MRAP2: variants seen among roughly 807,000 people sequenced by gnomAD.
MRAP2 encodes the protein melanocortin 2 receptor accessory protein 2, also known as melanocortin-2 receptor accessory protein 2.
In MRAP2, 20 loss-of-function variants were observed where a neutral mutation model predicts 17.4. The ratio of observed to expected loss-of-function variants is 1.15; its 90% CI spans 0.81 to 1.67. The LOEUF (loss-of-function observed/expected upper bound fraction) is 1.67, where lower values mean the gene tolerates loss of function less well. MRAP2 is among the 40% of genes most tolerant of loss of function. The pLI, the probability that MRAP2 is intolerant of heterozygous loss-of-function variation, is 0.00. For missense variants in MRAP2, 238 were observed against 240.0 expected (o/e 0.99, Z 0.05); for synonymous variants, 96 against 88.4 (o/e 1.09, Z -0.48).
chr6:84,038,402 G>T (rs1266169227), intron 1 of MRAP2, among the ~76,000 whole-genome samples: 1 of 152,136 alleles, frequency 6.6e-6, no homozygotes, highest in Non-Finnish European at 1.5e-5. Flanking sequence ...GCAGAAATAG[G>T]GCAGATTTGT....
At chr6:84,052,869 T>C (rs1279454244) in intron 1 of MRAP2, 12 of 816,240 alleles carry the variant, frequency 1.5e-5, no homozygotes, top group Admixed American at 6.2e-5. Context: ...TTTGCACATG[T>C]AGCTTTCATT....
chr6:84,097,269 G>A, the MRAP2 span, among the ~76,000 whole-genome samples: 5 of 152,104 alleles, frequency 3.3e-5, no homozygotes, highest in Non-Finnish European at 7.4e-5. Flanking sequence ...ATTACATCTG[G>A]GATGAGCCCT....
chr6:84,060,896 T>C (rs2099492997), intron 2 of MRAP2, among the ~76,000 whole-genome samples: 1 of 149,536 alleles, frequency 6.7e-6, no homozygotes, highest in Non-Finnish European at 1.5e-5. Context: ...AGACGGGGTT[T>C]CACTGTCTTA....
the MRAP2 span, among the ~76,000 whole-genome samples, chr6:84,133,775 T>G: frequency 6.6e-6 from 1 of 152,140 alleles, no homozygotes; most frequent in East Asian, 1.9e-4. Context: ...CAGCTTCCCT[T>G]GGCTAGGAAA....
chr6:84,141,675 C>T, the MRAP2 span, among the ~76,000 whole-genome samples: 6 of 152,264 alleles, frequency 3.9e-5, 1 homozygote, highest in Middle Eastern at 6.8e-3. Context: ...TATCCAGGGC[C>T]GGGGTGTATA....
chr6:84,102,531 G>C, the MRAP2 span, among the ~76,000 whole-genome samples: 1 of 152,174 alleles, frequency 6.6e-6, no homozygotes, highest in Non-Finnish European at 1.5e-5. Flanking sequence ...TTCTTTTCTA[G>C]AGCATCCAGA....
intron 1 of MRAP2, among the ~76,000 whole-genome samples, chr6:84,036,672 A>G (rs2099486096): frequency 6.6e-6 from 1 of 152,080 alleles, no homozygotes; most frequent in Non-Finnish European, 1.5e-5. Context: ...AGGGGACCTG[A>G]GCGCCTTACC....
At chr6:84,070,161 CT>C (rs1290231137) in intron 3 of MRAP2, among the ~76,000 whole-genome samples, 1 of 151,932 alleles carries the variant, frequency 6.6e-6, no homozygotes, top group Non-Finnish European at 1.5e-5. Context: ...TCTTTTTTCT[CT>C]AGTTCCTTGA....
At chr6:84,087,770 A>G (rs189317845) in intron 3 of MRAP2, among the ~76,000 whole-genome samples, 14 of 152,174 alleles carry the variant, frequency 9.2e-5, no homozygotes, top group Non-Finnish European at 1.5e-4. Flanking sequence ...GGGCAGTGAA[A>G]ATTGTTAACC....
At chr6:84,116,874 C>T in the MRAP2 span, among the ~76,000 whole-genome samples, 1 of 152,128 alleles carries the variant, frequency 6.6e-6, no homozygotes, top group Non-Finnish European at 1.5e-5. Flanking sequence ...TGATGTACTG[C>T]TGAATTTGGT....
Position 84,089,136 on chromosome 6 carries a change from G to T in MRAP2, c.273G>T (p.Val91=). ...SEKRFRMNSF[V]SDFGRPLEPD... is the part of the protein sequence containing the mutation. The stretch of plus-strand genomic sequence containing the variant: ...AGAGATTCAGAATGAACAGCTTTGT[G>T]TCAGACTTTGGAAGACCTCTGGAGC... Residue 91 remains valine, a synonymous_variant, in exon 4 of 4, where the codon GTG becomes GTT. Transcript: ENST00000257776. 4 of 1,614,148 alleles carry T rather than the reference G, an allele frequency of 2.5e-6. No homozygotes were observed. The highest frequency in any genetic ancestry group is 1.1e-5 in the South Asian group (1 of 91,078).
chr6:84,044,573 C>T (rs976656850), intron 1 of MRAP2, among the ~76,000 whole-genome samples: 4 of 152,218 alleles, frequency 2.6e-5, no homozygotes, highest in Admixed American at 6.5e-5. Flanking sequence ...GGCTTGTAGC[C>T]GCTGCCCTCT....
chr6:84,064,964 T>A (rs1264006419), intron 3 of MRAP2, among the ~76,000 whole-genome samples: 2 of 152,148 alleles, frequency 1.3e-5, no homozygotes, highest in East Asian at 3.9e-4. Context: ...CTCAGCTATT[T>A]CTAGATATCA....
At chr6:84,110,861 C>A in the MRAP2 span, among the ~76,000 whole-genome samples, 1 of 152,178 alleles carries the variant, frequency 6.6e-6, no homozygotes, top group African/African-American at 2.4e-5. Flanking sequence ...ACAGGGAATC[C>A]TTTCCCCATT....
At chr6:84,051,551 G>A (rs924836045) in intron 1 of MRAP2, among the ~76,000 whole-genome samples, 2 of 152,082 alleles carry the variant, frequency 1.3e-5, no homozygotes, top group East Asian at 1.9e-4. Flanking sequence ...AGCAAGACTC[G>A]CCTCAAAATA....
chr6:84,087,126 A>T (rs1224321288), intron 3 of MRAP2, among the ~76,000 whole-genome samples: 1 of 152,170 alleles, frequency 6.6e-6, no homozygotes, highest in African/African-American at 2.4e-5. Context: ...ACTCAGCCTC[A>T]GGAGGTCCTG....
chr6:84,121,951 G>C, the MRAP2 span, among the ~76,000 whole-genome samples: 6 of 151,906 alleles, frequency 3.9e-5, no homozygotes, highest in African/African-American at 7.3e-5. Flanking sequence ...GATCAAAGCA[G>C]AACTAAATGA....
chr6:84,093,991 C>A (rs1348113248), downstream of MRAP2, among the ~76,000 whole-genome samples: 2 of 152,136 alleles, frequency 1.3e-5, no homozygotes, highest in Non-Finnish European at 2.9e-5. Context: ...GAAAACGAAC[C>A]AGCCTGGCTG....
intron 1 of MRAP2, chr6:84,035,380 A>G (rs2099485706): frequency 3.1e-6 from 3 of 977,712 alleles, no homozygotes; most frequent in South Asian, 9.5e-5. Context: ...GCATTTACAA[A>G]TACTTACGCC....
Sources: allele counts gnomAD v4.1 joint callset (sites outside exome capture counted in the v4.1 genomes callset), GRCh38; gene constraint gnomAD v4.1.1; transcripts MANE v1.5; gene names NCBI Gene and HGNC (gene_info 2026-07-23, HGNC 2026-07-21).